RGPD1: variants seen among roughly 807,000 people sequenced by gnomAD.
RGPD1 encodes the protein RANBP2-like and GRIP domain-containing protein 1.
Under a neutral mutation model 40.6 loss-of-function variants are expected in RGPD1, and 7 were observed. The observed-to-expected ratio is 0.17, with a 90% CI of 0.10 to 0.32. The LOEUF is 0.32. Among genes scored for constraint, RGPD1 ranks in the 10% least tolerant of loss-of-function variants. The pLI is 1.00. For synonymous variants in RGPD1, 24 were observed against 167.0 expected, an observed-to-expected ratio of 0.14 and a Z score of 6.60; for missense variants, 50 against 472.5, an observed-to-expected ratio of 0.11 and a Z score of 8.29.
chr2:86,918,486 A>T (rs1383163376), intron 1 of RGPD1, among the ~76,000 whole-genome samples: 5 of 122,246 alleles, frequency 4.1e-5, no homozygotes, highest in Admixed American at 8.6e-5. Context: ...TTGAGACAGA[A>T]TGTTGCTCTG....
chr2:86,923,295 G>T (rs951831041), intron 1 of RGPD1, among the ~76,000 whole-genome samples: 2 of 151,666 alleles, frequency 1.3e-5, no homozygotes, highest in African/African-American at 2.4e-5. Context: ...TGACCTTGGT[G>T]TCCCAAAGTG....
rs1197078835 is a variant in RGPD1 at position 86,919,481 on chromosome 2, G to T, written c.72+5560G>T. Among the ~76,000 whole-genome samples the T allele has an allele frequency of 2.2e-4, 26 of 116,948 alleles. 1 individual carries two copies. The highest frequency in any genetic ancestry group is 1.1e-3 in the South Asian group (4 of 3,482). The allele number at this position is 116,948 out of a possible 152,430, so 76.7% of individuals were successfully genotyped here. A position where few individuals can be genotyped will look rare whatever the true frequency, so the allele number is the denominator to read the frequency against. On this transcript the variant is annotated intron_variant, in intron 1 of 22. Coordinates refer to the RGPD1 transcript ENST00000398193. The stretch of plus-strand genomic sequence containing the variant: ...GCCATAGGCTTATAAGGTGCCATGT[G>T]ACCTAGCCCTTGCTCACCTTCCTGG...
At chr2:86,931,172 TACATC>T (rs1468867782) in intron 1 of RGPD1, among the ~76,000 whole-genome samples, 9 of 146,092 alleles carry the variant, frequency 6.2e-5, no homozygotes, top group African/African-American at 7.7e-5. Flanking sequence ...AGCAGTTACT[TACATC>T]AATCTGCCTT....
chr2:86,913,773 C>T (rs911271617), upstream of RGPD1: 15 of 1,425,308 alleles, frequency 1.1e-5, no homozygotes, highest in Middle Eastern at 2.7e-4. Flanking sequence ...CTTTCAGGCG[C>T]TTTCCTGTTG....
intron 4 of RGPD1, among the ~76,000 whole-genome samples, chr2:86,956,802 T>C (rs1680760380): frequency 1.1e-5 from 1 of 90,788 alleles, no homozygotes; most frequent in Admixed American, 9.4e-5. Context: ...TAAAACTTGA[T>C]GATGTTATTG....
chr2:86,929,716 T>A lies in RGPD1; in HGVS notation c.72+15795T>A, dbSNP rs1487082314. On this transcript the variant is annotated intron_variant, in intron 1 of 22. Transcript: ENST00000398193. ...TTTTTTTTTTTTTTTTTTTTTTTTTTAGCTGGTTCACGTCTCTTTAATGAG... is the reference window on the plus strand; with the variant it reads ...TTTTTTTTTTTTTTTTTTTTTTTTTAAGCTGGTTCACGTCTCTTTAATGAG... Among the ~76,000 whole-genome samples, 210 of 112,516 alleles carry A rather than the reference T, an allele frequency of 1.9e-3. 1 individual carries two copies. The highest frequency in any genetic ancestry group is 5.7e-3 in the African/African-American group (184 of 32,190). 73.8% of individuals were successfully genotyped at this position (112,516 alleles called of 152,430 possible).
intron 6 of RGPD1, among the ~76,000 whole-genome samples, chr2:86,960,912 A>C (rs1410506655): frequency 8.7e-5 from 2 of 22,978 alleles, no homozygotes; most frequent in South Asian, 2.5e-3. Context: ...TGACCTCTTG[A>C]TCTGTCTACC....
At chr2:86,944,019 A>C (rs956977943) in intron 1 of RGPD1, among the ~76,000 whole-genome samples, 2 of 146,248 alleles carry the variant, frequency 1.4e-5, no homozygotes, top group East Asian at 1.9e-4. Context: ...AAAAAAAAAC[A>C]AAAAAAAACC....
At chr2:86,944,015 A>C (rs190614593) in intron 1 of RGPD1, among the ~76,000 whole-genome samples, 1 of 151,908 alleles carries the variant, frequency 6.6e-6, no homozygotes, top group East Asian at 1.9e-4. Context: ...CTCCAAAAAA[A>C]AACAAAAAAA....
chr2:86,939,593 A>AG (rs1491546500), upstream of RGPD1, among the ~76,000 whole-genome samples: 3 of 113,006 alleles, frequency 2.7e-5, no homozygotes, highest in Non-Finnish European at 5.7e-5. Context: ...AAAAAAAAAA[A>AG]GAAAGAAAGA....
Position 86,942,274 on chromosome 2 carries a change from C to T in RGPD1, c.38C>T (p.Ala13Val), listed in dbSNP as rs1046338213. ...AAGGCCTACGGGGAGCGGTACGTCGCCTCGGTGCAGGGCTCCGCCCCGTCG... is the reference window on the plus strand; with the variant it reads ...AAGGCCTACGGGGAGCGGTACGTCGTCTCGGTGCAGGGCTCCGCCCCGTCG... ...RSKAYGERYV[A>V]SVQGSAPSPG... Residue 13 changes from alanine to valine, a missense_variant, in exon 1 of 23, where the codon GCC (alanine) becomes GTC (valine). By Grantham distance (64) the Ala-to-Val change is moderately conservative. Coordinates refer to ENST00000641458, the MANE Select transcript of RGPD1 (RefSeq NM_001382344.1). 2 of 1,606,818 alleles carry T rather than the reference C, an allele frequency of 1.2e-6. No individual in the cohort carries two copies. Among genetic ancestry groups the T allele is most frequent in the African/African-American group, 2.7e-5 (2 of 74,558 alleles).
At chr2:86,943,484 G>A (rs559333592) in intron 1 of RGPD1, among the ~76,000 whole-genome samples, 1 of 152,238 alleles carries the variant, frequency 6.6e-6, no homozygotes, top group East Asian at 1.9e-4. Context: ...AGTGACGGAA[G>A]AAGCTATTAA....
At position 86,913,894 on chromosome 2, in the gene RGPD1, G is replaced by A; in HGVS notation, c.45G>A (p.Val15=). The change falls in exon 1 of 23, where the codon GTG becomes GTA. Residue 15 remains valine (V), a synonymous_variant. Transcript: ENST00000398193. ...ACGGGGAGCGGTACCTCGCCTCGGT[G>A]CAGGGCTCCGCCCCGTCGCCTGGAA... The A allele has an allele frequency of 1.3e-6, 2 of 1,569,952 alleles. 1 individual carries two copies. Among genetic ancestry groups the A allele is most frequent in the Non-Finnish European group, 1.7e-6 (2 of 1,158,170 alleles).
intron 22 of RGPD1, among the ~76,000 whole-genome samples, chr2:87,007,792 C>G (rs1682118535): frequency 1.3e-5 from 2 of 148,356 alleles, no homozygotes; most frequent in African/African-American, 4.9e-5. Flanking sequence ...TGGAAAAGTT[C>G]TATGTTAGCC....
intron 22 of RGPD1, among the ~76,000 whole-genome samples, chr2:87,000,291 C>A (rs1238587311): frequency 4.4e-5 from 6 of 135,046 alleles, no homozygotes; most frequent in Non-Finnish European, 7.6e-5. Context: ...AAATACTCAG[C>A]ATGTCTAACA....
chr2:87,009,231 G>A (rs1359675803), intron 22 of RGPD1, among the ~76,000 whole-genome samples: 4 of 32,768 alleles, frequency 1.2e-4, no homozygotes, highest in African/African-American at 5.3e-4. Flanking sequence ...CATGAACCTG[G>A]GAGGAGGAGC....
chr2:86,920,137 C>T (rs1365309831), intron 1 of RGPD1, among the ~76,000 whole-genome samples: 2 of 151,894 alleles, frequency 1.3e-5, no homozygotes, highest in African/African-American at 2.4e-5. Flanking sequence ...TGGCGTTATC[C>T]TGGCTCATTA....
At chr2:86,933,331 A>G (rs1418780274) in intron 1 of RGPD1, among the ~76,000 whole-genome samples, 2 of 150,264 alleles carry the variant, frequency 1.3e-5, no homozygotes, top group Non-Finnish European at 3.0e-5. Context: ...GAAGAAAAAA[A>G]CTTCATGGTA....
At chr2:86,940,829 ACCT>A (rs1354700071), upstream of RGPD1, among the ~76,000 whole-genome samples, 9 of 151,132 alleles carry the variant, frequency 6.0e-5, no homozygotes, top group Non-Finnish European at 1.0e-4. Context: ...GATAAATGGT[ACCT>A]CAAGTGAAAG....
Sources: gnomAD v4.1 joint callset for allele counts (sites outside exome capture counted in the v4.1 genomes callset) on GRCh38, gnomAD v4.1.1 for gene constraint, MANE v1.5 for transcripts, NCBI Gene and HGNC (gene_info 2026-07-23, HGNC 2026-07-21) for gene names.